NPAS3: variants seen among roughly 807,000 people sequenced by gnomAD.
NPAS3 encodes neuronal PAS domain-containing protein 3.
In NPAS3, 14 loss-of-function variants were observed where a neutral mutation model predicts 73.1. The ratio of observed to expected loss-of-function variants is 0.19; its 90% CI spans 0.13 to 0.30. NPAS3 has a LOEUF of 0.30. Ranked by LOEUF, NPAS3 falls within the 10% of genes least tolerant of loss-of-function variation. The pLI, the probability that NPAS3 is intolerant of heterozygous loss-of-function variation, is 1.00. For missense variants in NPAS3, 1,096 were observed against 1,250.0 expected (o/e 0.88, Z 1.86); for synonymous variants, 620 against 541.5 (o/e 1.14, Z -2.01).
chr14:33,764,686 G>A (rs1403016423), intron 7 of NPAS3, among the ~76,000 whole-genome samples: 1 of 152,214 alleles, frequency 6.6e-6, no homozygotes, highest in Non-Finnish European at 1.5e-5. Flanking sequence ...ACTAAGCCAT[G>A]AGGGGCCTCA....
At chr14:33,122,209 C>A (rs1176349299) in intron 2 of NPAS3, among the ~76,000 whole-genome samples, 1 of 152,004 alleles carries the variant, frequency 6.6e-6, no homozygotes, top group Admixed American at 6.6e-5. Context: ...ACATTTACAC[C>A]CTGTTTGTCT....
intron 2 of NPAS3, among the ~76,000 whole-genome samples, chr14:33,199,446 A>G (rs1190900637): frequency 6.6e-6 from 1 of 152,148 alleles, no homozygotes; most frequent in Non-Finnish European, 1.5e-5. Flanking sequence ...GTGACTCGGC[A>G]TTCTGAATGT....
At chr14:33,694,052 T>C (rs538093281) in intron 6 of NPAS3, among the ~76,000 whole-genome samples, 45 of 152,282 alleles carry the variant, frequency 3.0e-4, no homozygotes, top group South Asian at 1.2e-3. Context: ...GAAATTTGCA[T>C]ATTAATTCAT....
rs2063668982 is a variant in NPAS3, at chr14:33,800,470, C to T, written c.2163C>T (p.Ala721=). 1.3e-6 allele frequency: 2 copies of T among 1,492,694 alleles called. No individual in the cohort carries two copies. Among genetic ancestry groups the T allele is most frequent in the South Asian group, 2.6e-5 (2 of 77,208 alleles). The allele number at this position is 1,492,694 out of a possible 1,614,324, so 92.5% of individuals were successfully genotyped here. ...ACTCGGTCCTCACCCCGCCCGGCGCCGACGGCGCGGCCGCCCGCAAGACTC... is the reference window on the plus strand; with the variant it reads ...ACTCGGTCCTCACCCCGCCCGGCGCTGACGGCGCGGCCGCCCGCAAGACTC... The change falls in exon 12 of 12, where the codon GCC becomes GCT. Residue 721 remains alanine (A), a synonymous_variant. Transcript: ENST00000356141. The surrounding 1 kb of genome is among the most constrained non-coding windows in gnomAD (Gnocchi z 6.5).
intron 6 of NPAS3, among the ~76,000 whole-genome samples, chr14:33,676,586 T>C (rs1595416146): frequency 6.6e-6 from 1 of 152,368 alleles, no homozygotes; most frequent in South Asian, 2.1e-4. Context: ...TCCAGAGATC[T>C]AATTTCAGTT....
intron 3 of NPAS3, among the ~76,000 whole-genome samples, chr14:33,329,002 G>A (rs1006481550): frequency 3.3e-5 from 5 of 152,034 alleles, no homozygotes; most frequent in African/African-American, 1.2e-4. Flanking sequence ...TAACATGTAA[G>A]GACTTTTTTC....
At chr14:33,379,385 AAATAGT>A (rs1198365680) in intron 4 of NPAS3, among the ~76,000 whole-genome samples, 1 of 152,216 alleles carries the variant, frequency 6.6e-6, no homozygotes, top group Non-Finnish European at 1.5e-5. Flanking sequence ...GTTACATGTC[AAATAGT>A]AATAGTAAAA....
At chr14:33,007,040 A>G (rs2039024390) in intron 1 of NPAS3, among the ~76,000 whole-genome samples, 1 of 152,172 alleles carries the variant, frequency 6.6e-6, no homozygotes, top group Admixed American at 6.5e-5. Context: ...ATCCATTAGC[A>G]CCTATTTTCC....
intron 5 of NPAS3, among the ~76,000 whole-genome samples, chr14:33,627,241 A>T (rs1333198952): frequency 6.6e-6 from 1 of 152,180 alleles, no homozygotes; most frequent in Non-Finnish European, 1.5e-5. Context: ...CATGAGGAGG[A>T]TTCCTCATAT....
At chr14:33,722,836 A>T (rs928387010) in intron 6 of NPAS3, among the ~76,000 whole-genome samples, 1 of 152,198 alleles carries the variant, frequency 6.6e-6, no homozygotes, top group Non-Finnish European at 1.5e-5. Context: ...TGATGGATTT[A>T]ATATGGTACT....
intron 4 of NPAS3, among the ~76,000 whole-genome samples, chr14:33,491,576 T>C (rs1201914807): frequency 6.6e-6 from 1 of 152,164 alleles, no homozygotes; most frequent in Non-Finnish European, 1.5e-5. Context: ...GAGGCAAATA[T>C]GGTTGGTAGC....
At chr14:33,185,443 C>T (rs969998944) in intron 2 of NPAS3, among the ~76,000 whole-genome samples, 12 of 152,086 alleles carry the variant, frequency 7.9e-5, no homozygotes, top group Non-Finnish European at 1.5e-4. Context: ...GTACACTTAC[C>T]ACATAATGAG....
At chr14:33,124,474 T>C (rs985096293) in intron 2 of NPAS3, among the ~76,000 whole-genome samples, 5 of 152,126 alleles carry the variant, frequency 3.3e-5, no homozygotes, top group African/African-American at 9.7e-5. Flanking sequence ...TACTGCTCTC[T>C]AAAGGGTTGT....
intron 3 of NPAS3, among the ~76,000 whole-genome samples, chr14:33,300,464 CAGCCCA>C (rs1399311435): frequency 3.3e-5 from 5 of 152,222 alleles, no homozygotes; most frequent in African/African-American, 7.2e-5. Context: ...CTTAAATCAT[CAGCCCA>C]ACCTCTGCAG....
intron 3 of NPAS3, among the ~76,000 whole-genome samples, chr14:33,285,943 C>T (rs2140086785): frequency 6.6e-6 from 1 of 152,278 alleles, no homozygotes; most frequent in African/African-American, 2.4e-5. Flanking sequence ...TGCCTTGTAA[C>T]CTTCCCCATC....
At chr14:33,455,707 T>C (rs953114496) in intron 4 of NPAS3, among the ~76,000 whole-genome samples, 6 of 152,200 alleles carry the variant, frequency 3.9e-5, no homozygotes, top group Admixed American at 3.9e-4. Context: ...TTTAGGTGTT[T>C]CACCGCATCT....
chr14:33,578,383 C>T (rs560773023), intron 5 of NPAS3: 30 of 361,048 alleles, frequency 8.3e-5, no homozygotes, highest in Non-Finnish European at 1.4e-4. Flanking sequence ...TTAGTAGAGA[C>T]GGGTTTCTCC....
At chr14:33,107,020 G>A (rs1024824618) in intron 2 of NPAS3, among the ~76,000 whole-genome samples, 1 of 152,116 alleles carries the variant, frequency 6.6e-6, no homozygotes, top group African/African-American at 2.4e-5. Flanking sequence ...GTCACTGGCT[G>A]TTGTATTCTC....
chr14:33,318,586 A>G (rs2043304044), intron 3 of NPAS3, among the ~76,000 whole-genome samples: 1 of 152,094 alleles, frequency 6.6e-6, no homozygotes, highest in Admixed American at 6.6e-5. Context: ...TCATGCTTAT[A>G]TTTTTAGACT....
Sources: gnomAD v4.1 joint callset for allele counts (sites outside exome capture counted in the v4.1 genomes callset) on GRCh38, gnomAD v4.1.1 for gene constraint, Gnocchi (gnomAD v3.1) non-coding constraint, MANE v1.5 for transcripts, NCBI Gene and HGNC (gene_info 2026-07-23, HGNC 2026-07-21) for gene names.